Variants in CNTN4 observed in about 807,000 individuals in gnomAD.
CNTN4 encodes the protein contactin 4, also known as contactin-4.
CNTN4 carries 77 observed loss-of-function variants against 122.5 expected under a neutral mutation model. That is an observed-to-expected ratio of 0.63 (90% CI 0.52 to 0.76). The LOEUF (loss-of-function observed/expected upper bound fraction) is 0.76. Ranked by LOEUF, CNTN4 falls within the 30% of genes least tolerant of loss-of-function variation. The pLI, the probability that CNTN4 is intolerant of heterozygous loss-of-function variation, is 0.00. For missense variants in CNTN4, 1,256 were observed against 1,259.1 expected (o/e 1.00, Z 0.04); for synonymous variants, 512 against 447.0 (o/e 1.15, Z -1.83).
chr3:2,315,022 T>C (rs969441373), intron 2 of CNTN4, among the ~76,000 whole-genome samples: 1 of 152,088 alleles, frequency 6.6e-6, no homozygotes, highest in African/African-American at 2.4e-5. Flanking sequence ...TTATATTTCC[T>C]AAGAGTTTTT....
At chr3:2,244,971 A>G (rs143783335) in intron 2 of CNTN4, among the ~76,000 whole-genome samples, 50 of 152,222 alleles carry the variant, frequency 3.3e-4, no homozygotes, top group African/African-American at 7.7e-4. Context: ...GAGAAGGCTT[A>G]ATCAACCTAC....
intron 2 of CNTN4, among the ~76,000 whole-genome samples, chr3:2,108,890 T>C (rs1413722561): frequency 1.3e-5 from 2 of 152,170 alleles, no homozygotes; most frequent in Non-Finnish European, 2.9e-5. Flanking sequence ...TTATGGATTG[T>C]TGTTATTCAC....
chr3:2,792,478 G>A (rs184078118), intron 6 of CNTN4, among the ~76,000 whole-genome samples: 1 of 152,298 alleles, frequency 6.6e-6, no homozygotes, highest in East Asian at 1.9e-4. Flanking sequence ...ATCTAAAACT[G>A]ATTGGTACAC....
chr3:2,479,123 A>C (rs552359774), intron 3 of CNTN4, among the ~76,000 whole-genome samples: 18 of 152,196 alleles, frequency 1.2e-4, no homozygotes, highest in African/African-American at 4.3e-4. Context: ...AGCATCAACC[A>C]TTTCAATAAT....
intron 6 of CNTN4, among the ~76,000 whole-genome samples, chr3:2,816,411 C>A (rs1272841886): frequency 6.6e-6 from 1 of 151,520 alleles, no homozygotes; most frequent in East Asian, 1.9e-4. Flanking sequence ...ATACGATGGA[C>A]TTTGGGGACT....
intron 4 of CNTN4, among the ~76,000 whole-genome samples, chr3:2,661,727 G>T (rs578118479): frequency 6.9e-6 from 1 of 144,654 alleles, no homozygotes; most frequent in South Asian, 2.2e-4. Context: ...CAGGAGAATC[G>T]CTTCAACCCA....
chr3:2,794,931 T>C (rs1385111009), intron 6 of CNTN4, among the ~76,000 whole-genome samples: 1 of 152,080 alleles, frequency 6.6e-6, no homozygotes, highest in Non-Finnish European at 1.5e-5. Flanking sequence ...AGCCCCATGC[T>C]CATGATCTAA....
Position 3,056,254 on chromosome 3 carries a change from A to G in CNTN4, c.*34A>G. 1 of 1,483,890 alleles carries G rather than the reference A, an allele frequency of 6.7e-7. No individual in the cohort carries two copies. The highest frequency in any genetic ancestry group is 9.4e-7 in the Non-Finnish European group (1 of 1,061,342). 91.9% of individuals were successfully genotyped at this position (1,483,890 alleles called of 1,614,324 possible). The stretch of plus-strand genomic sequence containing the variant: ...ATCTGAAGGACTTGCTGTTTATAAT[A>G]TAAGCAACATTTAGCTAGTTGTTTT... On this transcript the variant is annotated 3_prime_UTR_variant, in exon 25 of 25. Coordinates refer to ENST00000418658, the MANE Select transcript of CNTN4 (RefSeq NM_175607.3).
At chr3:2,142,015 T>C (rs1406643927) in intron 2 of CNTN4, among the ~76,000 whole-genome samples, 1 of 152,220 alleles carries the variant, frequency 6.6e-6, no homozygotes, top group Non-Finnish European at 1.5e-5. Flanking sequence ...ATGTATTTCT[T>C]CATCCTGATG....
intron 6 of CNTN4, among the ~76,000 whole-genome samples, chr3:2,762,307 G>C (rs1305736191): frequency 6.6e-6 from 1 of 152,104 alleles, no homozygotes; most frequent in Non-Finnish European, 1.5e-5. Flanking sequence ...TTATTTCATA[G>C]CCCAGATATT....
chr3:2,708,774 A>C (rs557605142), intron 4 of CNTN4, among the ~76,000 whole-genome samples: 1 of 150,188 alleles, frequency 6.7e-6, no homozygotes, highest in African/African-American at 2.5e-5. Flanking sequence ...CACACTGCCC[A>C]GAAGAAAATG....
At chr3:2,120,386 TATATATATATATATA>T in intron 2 of CNTN4, among the ~76,000 whole-genome samples, 1 of 27,676 alleles carries the variant, frequency 3.6e-5, no homozygotes, top group South Asian at 1.1e-3. Flanking sequence ...TATATATATA[TATATATATATATATA>T]TATATTTTTT....
chr3:3,042,212 T>A, intron 20 of CNTN4, 98 bp from the exon 21 acceptor site: 1 of 916,436 alleles, frequency 1.1e-6, no homozygotes, highest in Non-Finnish European at 1.8e-6. Flanking sequence ...TAAGGACGAT[T>A]CTATAACCAT....
intron 4 of CNTN4, among the ~76,000 whole-genome samples, chr3:2,613,516 G>T (rs927349341): frequency 6.6e-6 from 1 of 152,026 alleles, no homozygotes; most frequent in Non-Finnish European, 1.5e-5. Flanking sequence ...GTACTGTAAA[G>T]CACTATTTGT....
chr3:2,359,198 A>C (rs1423021127), intron 3 of CNTN4, among the ~76,000 whole-genome samples: 3 of 152,196 alleles, frequency 2.0e-5, no homozygotes, highest in Admixed American at 6.5e-5. Context: ...ATACATCTGC[A>C]CCATTTAATT....
intron 4 of CNTN4, among the ~76,000 whole-genome samples, chr3:2,708,399 C>T (rs1346756430): frequency 6.6e-6 from 1 of 152,118 alleles, no homozygotes; most frequent in Non-Finnish European, 1.5e-5. Flanking sequence ...TTATAATTAT[C>T]TGGAAAGATA....
Position 2,611,619 on chromosome 3 carries a change from T to C in CNTN4, c.55+40061T>C, listed in dbSNP as rs1017001628. 2.6e-5 allele frequency among the ~76,000 whole-genome samples: 4 copies of C among 152,162 alleles called. No homozygotes were observed. In the East Asian group the frequency reaches 7.7e-4, roughly 29 times the overall value. ...TTCCCTTTTTTCCTGGGTTACCTGC[T>C]GTCCACCTAGCTTTGACTATTGCCA... On this transcript the variant is annotated intron_variant, in intron 4 of 24. Coordinates refer to ENST00000418658, the MANE Select transcript of CNTN4 (RefSeq NM_175607.3).
intron 2 of CNTN4, among the ~76,000 whole-genome samples, chr3:2,271,524 T>G (rs1297818280): frequency 1.3e-5 from 2 of 152,188 alleles, no homozygotes; most frequent in African/African-American, 4.8e-5. Context: ...TATCATAGGT[T>G]TATTATAAAA....
intron 3 of CNTN4, among the ~76,000 whole-genome samples, chr3:2,519,330 G>T (rs2077130721): frequency 6.6e-6 from 1 of 152,100 alleles, no homozygotes; most frequent in African/African-American, 2.4e-5. Context: ...CAAGGAAAAT[G>T]GTGACATTCA....
Sources: allele counts gnomAD v4.1 joint callset (sites outside exome capture counted in the v4.1 genomes callset), GRCh38; gene constraint gnomAD v4.1.1; transcripts MANE v1.5; gene names NCBI Gene and HGNC (gene_info 2026-07-23, HGNC 2026-07-21).